The following INPP4B variants were observed in gnomAD, a reference collection of about 807,000 sequenced individuals.
INPP4B encodes the protein inositol polyphosphate 4-phosphatase type II.
In INPP4B, 55 loss-of-function variants were observed where a neutral mutation model predicts 122.5. That is an observed-to-expected ratio of 0.45 (90% CI 0.36 to 0.56). The LOEUF (loss-of-function observed/expected upper bound fraction) is 0.56, where lower values mean the gene tolerates loss of function less well. INPP4B is among the 20% of genes least tolerant of loss of function. The pLI, the probability that INPP4B is intolerant of heterozygous loss-of-function variation, is 0.00. For synonymous variants in INPP4B, 403 were observed against 388.7 expected (o/e 1.04, Z -0.43); for missense variants, 1,000 against 1,097.7 (o/e 0.91, Z 1.26).
chr4:142,473,321 A>G (rs72946835), intron 2 of INPP4B: 8,240 of 152,664 alleles, frequency 0.054, 259 homozygotes, highest in East Asian at 0.12. Flanking sequence ...CAGAGAGCAG[A>G]AAGGAGCAAA....
intron 18 of INPP4B, among the ~76,000 whole-genome samples, chr4:142,125,521 A>C (rs1180786499): frequency 6.6e-6 from 1 of 152,000 alleles, no homozygotes; most frequent in Non-Finnish European, 1.5e-5. Context: ...CCTTAAACTT[A>C]TCTTGTTCTC....
chr4:142,841,260 C>T (rs1216650419), intron 1 of INPP4B, among the ~76,000 whole-genome samples: 1 of 151,940 alleles, frequency 6.6e-6, no homozygotes, highest in Non-Finnish European at 1.5e-5. Flanking sequence ...TAGGTTCTAA[C>T]TTCAATTAAA....
intron 2 of INPP4B, among the ~76,000 whole-genome samples, chr4:142,696,505 C>G (rs1560971418): frequency 6.6e-6 from 1 of 152,194 alleles, no homozygotes; most frequent in African/African-American, 2.4e-5. Context: ...TCCCTTTCCC[C>G]ACCCCAGCCC....
At chr4:142,142,833 G>A (rs1808564404) in intron 18 of INPP4B, among the ~76,000 whole-genome samples, 1 of 152,064 alleles carries the variant, frequency 6.6e-6, no homozygotes, top group African/African-American at 2.4e-5. Context: ...TAATTACTCT[G>A]ATGTTGTCAT....
At chr4:142,671,125 T>A (rs1166869959) in intron 2 of INPP4B, among the ~76,000 whole-genome samples, 14 of 152,048 alleles carry the variant, frequency 9.2e-5, no homozygotes, top group Admixed American at 9.2e-4. Context: ...TAGATGTAGG[T>A]AAAAACACCA....
At chr4:142,772,746 C>T (rs1311727554) in intron 1 of INPP4B, among the ~76,000 whole-genome samples, 2 of 152,092 alleles carry the variant, frequency 1.3e-5, no homozygotes, top group Non-Finnish European at 2.9e-5. Context: ...AAAGTTGATG[C>T]TTTAAAGACA....
chr4:142,430,719 C>A (rs1052483401), intron 4 of INPP4B, among the ~76,000 whole-genome samples: 9 of 152,012 alleles, frequency 5.9e-5, no homozygotes, highest in African/African-American at 1.7e-4. Flanking sequence ...CAGTGACAGT[C>A]TAAATTTCTA....
At chr4:142,134,566 C>A (rs1013371376) in intron 18 of INPP4B, among the ~76,000 whole-genome samples, 1 of 151,874 alleles carries the variant, frequency 6.6e-6, no homozygotes, top group Non-Finnish European at 1.5e-5. Context: ...GAGGCCAAGG[C>A]GGGCAGATCA....
intron 14 of INPP4B, among the ~76,000 whole-genome samples, chr4:142,207,873 C>T (rs1843211989): frequency 6.6e-6 from 1 of 152,044 alleles, no homozygotes; most frequent in Admixed American, 6.6e-5. Flanking sequence ...CACTCTGGAC[C>T]ACTTTCAGGT....
chr4:142,736,011 T>C (rs957077645), intron 1 of INPP4B, among the ~76,000 whole-genome samples: 2 of 151,814 alleles, frequency 1.3e-5, no homozygotes. Flanking sequence ...TTTTATTACA[T>C]ATTTTCTTAC....
intron 18 of INPP4B, among the ~76,000 whole-genome samples, chr4:142,126,020 T>C (rs1197160194): frequency 1.3e-5 from 2 of 152,136 alleles, no homozygotes; most frequent in Non-Finnish European, 2.9e-5. Context: ...TTTGTGCTAT[T>C]TGTATGTCTA....
At chr4:142,649,958 G>A (rs188136646) in intron 2 of INPP4B, among the ~76,000 whole-genome samples, 1 of 152,326 alleles carries the variant, frequency 6.6e-6, no homozygotes, top group Admixed American at 6.5e-5. Flanking sequence ...GTTAAGGGCA[G>A]CCAGAGAGAA....
chr4:142,407,571 T>C (rs1443422824), intron 5 of INPP4B, among the ~76,000 whole-genome samples: 3 of 152,332 alleles, frequency 2.0e-5, no homozygotes, highest in African/African-American at 7.2e-5. Context: ...ATGATGATGC[T>C]TTGTATTTTT....
At chr4:142,806,771 GAAAGAAAGAAAGAAGGA>G (rs1778823269) in intron 1 of INPP4B, among the ~76,000 whole-genome samples, 1 of 56,598 alleles carries the variant, frequency 1.8e-5, no homozygotes, top group Non-Finnish European at 4.0e-5. Context: ...AAAGAAGAAA[GAAAGAAAGAAAGAAGGA>G]AAGAAAGAAA....
At chr4:142,079,905 A>T (rs985270447) in intron 25 of INPP4B, among the ~76,000 whole-genome samples, 1 of 152,168 alleles carries the variant, frequency 6.6e-6, no homozygotes, top group Non-Finnish European at 1.5e-5. Context: ...TACAAGGATC[A>T]TAATTAGCTA....
At chr4:142,161,735 A>G (rs1385365440) in intron 16 of INPP4B, among the ~76,000 whole-genome samples, 3 of 151,946 alleles carry the variant, frequency 2.0e-5, no homozygotes, top group Non-Finnish European at 4.4e-5. Context: ...ACAGGTGCCC[A>G]GTAAGATTTT....
intron 2 of INPP4B, among the ~76,000 whole-genome samples, chr4:142,616,088 C>T (rs1338086311): frequency 6.6e-6 from 1 of 152,014 alleles, no homozygotes; most frequent in Non-Finnish European, 1.5e-5. Flanking sequence ...GCTAGATGGA[C>T]AAGGTGAGGG....
Position 142,518,123 on chromosome 4 carries a change from GA to G in INPP4B, c.-190-55398del, listed in dbSNP as rs534476850. 2.2e-3 allele frequency among the ~76,000 whole-genome samples: 331 copies of G among 152,198 alleles called. 1 individual carries two copies. Among genetic ancestry groups the G allele is most frequent in the African/African-American group, 7.5e-3 (311 of 41,548 alleles). On this transcript the variant is annotated intron_variant, in intron 2 of 25. Transcript: ENST00000262992. Reference sequence around the variant, plus strand: ...GCTGGAAATGAATCCATAATATATTGATCTATTTCAGCAATTAGCATTTAAA... The same window carrying G: ...GCTGGAAATGAATCCATAATATATTGTCTATTTCAGCAATTAGCATTTAAA...
At chr4:142,723,379 C>G (rs911064190) in intron 2 of INPP4B, among the ~76,000 whole-genome samples, 1 of 152,000 alleles carries the variant, frequency 6.6e-6, no homozygotes, top group East Asian at 1.9e-4. Context: ...AACAGAATCA[C>G]GGTCTGTATT....
Sources: allele counts gnomAD v4.1 joint callset (sites outside exome capture counted in the v4.1 genomes callset), GRCh38; gene constraint gnomAD v4.1.1; transcripts MANE v1.5; gene names NCBI Gene and HGNC (gene_info 2026-07-23, HGNC 2026-07-21).